KIRREL3: variants seen among roughly 807,000 people sequenced by gnomAD.
KIRREL3 encodes the protein kirre like nephrin family adhesion molecule 3.
A neutral mutation model predicts 89.7 loss-of-function variants in KIRREL3; 36 were observed. The ratio of observed to expected loss-of-function variants is 0.40; its 90% CI spans 0.31 to 0.53. KIRREL3 has a LOEUF of 0.53. Among genes scored for constraint, KIRREL3 ranks in the 20% least tolerant of loss-of-function variants. The probability of loss-of-function intolerance (pLI) is 0.49; values close to 1 mark genes in which losing one functional copy is unlikely to be tolerated. For synonymous variants in KIRREL3, 445 were observed against 441.4 expected, an observed-to-expected ratio of 1.01 and a Z score of -0.10; for missense variants, 864 against 1,056.6, an observed-to-expected ratio of 0.82 and a Z score of 2.53.
At position 126,766,594 on chromosome 11, in the gene KIRREL3, C is replaced by T. The variant is rs577298907; in HGVS notation, c.56-203682G>A. ...GAACCATCCAAAAGAGATTATTGTG[C>T]CTCATGGTGGCGCCAGTAGTATCAT... On this transcript the variant is annotated intron_variant, in intron 1 of 16. Transcript: ENST00000525144. This position sits in a 1 kb window ranked among gnomAD's most constrained non-coding sequence, Gnocchi z 4.2. Among the ~76,000 whole-genome samples, 3 of 152,162 alleles carry T rather than the reference C, an allele frequency of 2.0e-5. No individual in the cohort carries two copies. Among genetic ancestry groups the T allele is most frequent in the Admixed American group, 2.0e-4 (3 of 15,286 alleles).
At chr11:126,450,795 G>C (rs1956048826) in intron 7 of KIRREL3, among the ~76,000 whole-genome samples, 1 of 151,452 alleles carries the variant, frequency 6.6e-6, no homozygotes, top group South Asian at 2.1e-4. Context: ...CTGTGCATGT[G>C]TGTGTCTGCA....
intron 4 of KIRREL3, among the ~76,000 whole-genome samples, chr11:126,487,132 T>C (rs545335931): frequency 2.2e-3 from 332 of 152,294 alleles, no homozygotes; most frequent in Non-Finnish European, 3.9e-3. Flanking sequence ...GACATTCCAG[T>C]AGCTTTCTTT....
At chr11:126,597,397 C>T (rs1305265742) in intron 1 of KIRREL3, among the ~76,000 whole-genome samples, 1 of 152,246 alleles carries the variant, frequency 6.6e-6, no homozygotes, top group Non-Finnish European at 1.5e-5. Context: ...TTAATTAAGT[C>T]CCCGTGGTCT....
intron 4 of KIRREL3, among the ~76,000 whole-genome samples, chr11:126,494,382 GA>G (rs1309313208): frequency 9.2e-5 from 14 of 152,076 alleles, no homozygotes; most frequent in Admixed American, 9.2e-4. Context: ...CAATGTTCTG[GA>G]AAAAATTTAC....
In KIRREL3 at chr11:126,860,454, G is replaced by A. The variant is rs1299322951; in HGVS notation, c.55+140001C>T. On this transcript the variant is annotated intron_variant, in intron 1 of 16. Coordinates refer to ENST00000525144, the MANE Select transcript of KIRREL3 (RefSeq NM_032531.4). The surrounding 1 kb of genome is among the most constrained non-coding windows in gnomAD (Gnocchi z 4.6). ...GAAGGAATTTGCTGAATGAAGAAGGGAGGAAGAGCATTCCAGGCAGAAGGA... is the reference window on the plus strand; with the variant it reads ...GAAGGAATTTGCTGAATGAAGAAGGAAGGAAGAGCATTCCAGGCAGAAGGA... Among the ~76,000 whole-genome samples, 1 of 152,164 alleles carries A rather than the reference G, an allele frequency of 6.6e-6. No individual in the cohort carries two copies. Among genetic ancestry groups the A allele is most frequent in the Admixed American group, 6.5e-5 (1 of 15,280 alleles).
In KIRREL3 at chr11:126,463,148, G is replaced by C; in HGVS notation, c.742+9C>G. ...CAGGGCTGGGTTGGGGGAGGGGGTGGGTACTCACGCTGGATGTCAATGGTG... is the reference window on the plus strand; with the variant it reads ...CAGGGCTGGGTTGGGGGAGGGGGTGCGTACTCACGCTGGATGTCAATGGTG... On this transcript the variant is annotated intron_variant, in intron 6 of 16. Coordinates refer to ENST00000525144, the MANE Select transcript of KIRREL3 (RefSeq NM_032531.4). This position sits in a 1 kb window ranked among gnomAD's most constrained non-coding sequence, Gnocchi z 5.9. The C allele has an allele frequency of 6.2e-7, 1 of 1,611,548 alleles. No homozygotes were observed. Among genetic ancestry groups the C allele is most frequent in the Non-Finnish European group, 8.5e-7 (1 of 1,179,078 alleles).
chr11:126,891,556 G>A lies in KIRREL3; in HGVS notation c.55+108899C>T, dbSNP rs1424057039. Among the ~76,000 whole-genome samples, 2 of 152,204 alleles carry A rather than the reference G, an allele frequency of 1.3e-5. No homozygotes were observed. The highest frequency in any genetic ancestry group is 2.9e-5 in the Non-Finnish European group (2 of 68,038). ...TGGAAAGAGATGCACAGGGTGCTCCGACTGTTAGTCTGTCCTGCTATCACT... is the reference window on the plus strand; with the variant it reads ...TGGAAAGAGATGCACAGGGTGCTCCAACTGTTAGTCTGTCCTGCTATCACT... On this transcript the variant is annotated intron_variant, in intron 1 of 16. Coordinates refer to ENST00000525144, the MANE Select transcript of KIRREL3 (RefSeq NM_032531.4). This position sits in a 1 kb window ranked among gnomAD's most constrained non-coding sequence, Gnocchi z 5.1.
At chr11:126,426,812 G>A (rs552637031) in intron 15 of KIRREL3, among the ~76,000 whole-genome samples, 1 of 152,302 alleles carries the variant, frequency 6.6e-6, no homozygotes, top group South Asian at 2.1e-4. Flanking sequence ...CGGCCACCCG[G>A]CTGCCTCCTC....
At position 126,817,850 on chromosome 11, in the gene KIRREL3, T is replaced by A. The variant is rs989788630; in HGVS notation, c.55+182605A>T. Among the ~76,000 whole-genome samples, 5 of 151,714 alleles carry A rather than the reference T, an allele frequency of 3.3e-5. No individual in the cohort carries two copies. Among genetic ancestry groups the A allele is most frequent in the East Asian group, 1.9e-4 (1 of 5,166 alleles). Reference sequence around the variant, plus strand: ...CACCCTGATCTGAAGGCTGAGGGGGTCATTATGTGGACCCACTACAACCCA... The same window carrying A: ...CACCCTGATCTGAAGGCTGAGGGGGACATTATGTGGACCCACTACAACCCA... On this transcript the variant is annotated intron_variant, in intron 1 of 16. Transcript: ENST00000525144. This position sits in a 1 kb window ranked among gnomAD's most constrained non-coding sequence, Gnocchi z 5.7.
Position 126,909,593 on chromosome 11 carries a change from G to A in KIRREL3, c.55+90862C>T, listed in dbSNP as rs548841083. Among the ~76,000 whole-genome samples, 27 of 152,182 alleles carry A rather than the reference G, an allele frequency of 1.8e-4. No individual in the cohort carries two copies. In the South Asian group the frequency reaches 5.2e-3, roughly 29 times the overall value. ...AGAAAGGGCTCTGCTGAATGGAGTC[G>A]CAACAGCACCTGTCTCTGGTGTCCT... is the stretch of plus-strand genomic sequence containing the variant. On this transcript the variant is annotated intron_variant, in intron 1 of 16. Coordinates refer to ENST00000525144, the MANE Select transcript of KIRREL3 (RefSeq NM_032531.4). This position sits in a 1 kb window ranked among gnomAD's most constrained non-coding sequence, Gnocchi z 4.5.
chr11:126,595,421 C>T (rs1428658377), intron 1 of KIRREL3, among the ~76,000 whole-genome samples: 1 of 152,216 alleles, frequency 6.6e-6, no homozygotes, highest in African/African-American at 2.4e-5. Flanking sequence ...CTGTGTGGCT[C>T]CTGTCTTAGC....
At chr11:126,982,979 T>C (rs79110526) in intron 1 of KIRREL3, among the ~76,000 whole-genome samples, 2,370 of 152,312 alleles carry the variant, frequency 0.016, 54 homozygotes, top group African/African-American at 0.053. Flanking sequence ...TAGATGTGCC[T>C]GCTAATCTCT....
rs568455320 is a variant in KIRREL3, at chr11:126,612,714, C to A, written c.56-49802G>T. On this transcript the variant is annotated intron_variant, in intron 1 of 16. Coordinates refer to ENST00000525144, the MANE Select transcript of KIRREL3 (RefSeq NM_032531.4). This position sits in a 1 kb window ranked among gnomAD's most constrained non-coding sequence, Gnocchi z 4.5. The stretch of plus-strand genomic sequence containing the variant: ...CCACTTTCTGCCTCTGTGGATTTAC[C>A]TATACTGGACACTCCTACAACATGT... 6.6e-6 allele frequency among the ~76,000 whole-genome samples: 1 copy of A among 152,172 alleles called. No homozygotes were observed. The highest frequency in any genetic ancestry group is 1.5e-5 in the Non-Finnish European group (1 of 68,034).
intron 1 of KIRREL3, among the ~76,000 whole-genome samples, chr11:126,980,308 G>A (rs1225043686): frequency 6.6e-6 from 1 of 152,160 alleles, no homozygotes; most frequent in Non-Finnish European, 1.5e-5. Flanking sequence ...AAAGAGAGAT[G>A]GTGCCAGACA....
chr11:126,460,992 G>T (rs1021205380), intron 6 of KIRREL3, among the ~76,000 whole-genome samples: 1 of 152,192 alleles, frequency 6.6e-6, no homozygotes, highest in Non-Finnish European at 1.5e-5. Flanking sequence ...CAGCCTGGAA[G>T]TAGGAAGCTT....
intron 1 of KIRREL3, among the ~76,000 whole-genome samples, chr11:126,588,700 C>T (rs374243538): frequency 1.4e-4 from 22 of 152,298 alleles, no homozygotes; most frequent in African/African-American, 5.1e-4. Flanking sequence ...GAATCTGTTT[C>T]CCTGGTTCAA....
chr11:126,589,797 C>T (rs1463462036), intron 1 of KIRREL3, among the ~76,000 whole-genome samples: 1 of 152,160 alleles, frequency 6.6e-6, no homozygotes, highest in Admixed American at 6.5e-5. Context: ...GTCAGTGACT[C>T]AACCCACTTT....
intron 1 of KIRREL3, among the ~76,000 whole-genome samples, chr11:126,864,911 T>A (rs535865493): frequency 6.6e-6 from 1 of 152,282 alleles, no homozygotes; most frequent in East Asian, 1.9e-4. Flanking sequence ...CACCTGCCTG[T>A]TTTCCTACTG....
At chr11:126,967,818 G>T (rs1477074578) in intron 1 of KIRREL3, among the ~76,000 whole-genome samples, 1 of 152,032 alleles carries the variant, frequency 6.6e-6, no homozygotes, top group Non-Finnish European at 1.5e-5. Flanking sequence ...CAGCTGGGGA[G>T]GGGGCTTGCT....
Sources: gnomAD v4.1 joint callset for allele counts (sites outside exome capture counted in the v4.1 genomes callset) on GRCh38, gnomAD v4.1.1 for gene constraint, Gnocchi (gnomAD v3.1) non-coding constraint, MANE v1.5 for transcripts, NCBI Gene and HGNC (gene_info 2026-07-23, HGNC 2026-07-21) for gene names.